The following DOCK5 variants were observed in gnomAD, a reference collection of about 807,000 sequenced individuals.
DOCK5 encodes dedicator of cytokinesis 5.
A neutral mutation model predicts 251.8 loss-of-function variants in DOCK5; 142 were observed. The ratio of observed to expected loss-of-function variants is 0.56; its 90% CI spans 0.49 to 0.65. DOCK5 has a LOEUF of 0.65. Ranked by LOEUF, DOCK5 falls within the 30% of genes least tolerant of loss-of-function variation. The pLI is 0.00. For synonymous variants in DOCK5, 842 were observed against 835.5 expected (o/e 1.01, Z -0.13); for missense variants, 2,111 against 2,312.3 (o/e 0.91, Z 1.79).
chr8:25,299,254 A>G (rs993307056), intron 8 of DOCK5, 153 bp downstream of exon 8: 11 of 857,294 alleles, frequency 1.3e-5, no homozygotes, highest in South Asian at 1.9e-5. Flanking sequence ...CATATGGTCT[A>G]TGAAGCCTTC....
intron 26 of DOCK5, among the ~76,000 whole-genome samples, chr8:25,349,326 C>T (rs1379877388): frequency 6.6e-6 from 1 of 152,074 alleles, no homozygotes; most frequent in African/African-American, 2.4e-5. Flanking sequence ...CTATGAAAAA[C>T]AGGGAATGCA....
rs554309120 is a variant in DOCK5, at chr8:25,351,789, G to A, written c.2813G>A (p.Arg938Gln). ...IMERLLRRINRTVIGMNRQSP... is the reference protein window; with the variant it reads ...IMERLLRRINQTVIGMNRQSP... ...GAACGGCTGCTGAGAAGGATCAACC[G>A]GACAGTGATTGGGATGAACCGGCAG... The change falls in exon 27 of 52, where the codon CGG (arginine) becomes CAG (glutamine). Residue 938 changes from arginine to glutamine, a missense_variant. By Grantham distance (43) the Arg-to-Gln change is conservative. Around this residue, in one of 3 missense-constraint regions of DOCK5, gnomAD observed 1,717 missense variants for 1,892.4 expected, o/e 0.91. Coordinates refer to ENST00000276440, the MANE Select transcript of DOCK5 (RefSeq NM_024940.8). 1.1e-5 allele frequency: 17 copies of A among 1,613,846 alleles called. No homozygotes were observed. Among genetic ancestry groups the A allele is most frequent in the African/African-American group, 8.0e-5 (6 of 75,026 alleles).
intron 1 of DOCK5, among the ~76,000 whole-genome samples, chr8:25,235,231 TTTTG>T (rs962733201): frequency 1.2e-4 from 18 of 152,204 alleles, no homozygotes; most frequent in Middle Eastern, 3.4e-3. Context: ...GTAATTTTGT[TTTTG>T]TTTGTTTGTT....
chr8:25,375,637 C>T, intron 37 of DOCK5: 1 of 963,888 alleles, frequency 1.0e-6, no homozygotes, highest in East Asian at 1.2e-4. Flanking sequence ...GTGTCTCTGC[C>T]TCCAGTTTTG....
intron 3 of DOCK5, among the ~76,000 whole-genome samples, chr8:25,271,660 C>T (rs544298293): frequency 5.9e-5 from 9 of 152,236 alleles, no homozygotes; most frequent in South Asian, 2.1e-4. Flanking sequence ...AGCGCTTTTC[C>T]GAAACTGATT....
intron 39 of DOCK5, among the ~76,000 whole-genome samples, chr8:25,382,040 G>T (rs1801076677): frequency 6.6e-6 from 1 of 152,068 alleles, no homozygotes; most frequent in African/African-American, 2.4e-5. Context: ...TCAAAACAGG[G>T]TCTCACTCTG....
At chr8:25,297,896 T>C (rs189704929) in intron 7 of DOCK5, among the ~76,000 whole-genome samples, 1 of 151,782 alleles carries the variant, frequency 6.6e-6, no homozygotes, top group African/African-American at 2.4e-5. Context: ...CTACAAAAAA[T>C]TTTTTAAAAA....
In DOCK5 at chr8:25,407,477, G is replaced by A. The variant is rs939035439; in HGVS notation, c.5094-506G>A. ...TACTCCCTAATATTTTCGTCCAGTC[G>A]TCTGATGGTCTTGTTTCTGTACATT... On this transcript the variant is annotated intron_variant, in intron 48 of 51. Transcript: ENST00000276440. 2.6e-5 allele frequency among the ~76,000 whole-genome samples: 4 copies of A among 152,082 alleles called. No individual in the cohort carries two copies. In the East Asian group the frequency reaches 5.8e-4, roughly 22 times the overall value.
chr8:25,240,419 A>G (rs902929523), intron 1 of DOCK5, among the ~76,000 whole-genome samples: 2 of 152,138 alleles, frequency 1.3e-5, no homozygotes, highest in Non-Finnish European at 2.9e-5. Flanking sequence ...GGATGTTTTC[A>G]TCTCCCCAAG....
intron 26 of DOCK5, among the ~76,000 whole-genome samples, chr8:25,348,878 C>G (rs900835238): frequency 6.6e-6 from 1 of 152,006 alleles, no homozygotes; most frequent in Non-Finnish European, 1.5e-5. Flanking sequence ...CACCCGCACC[C>G]CCACAATAGA....
rs201077230 is a variant in DOCK5 at position 25,372,683 on chromosome 8, A to G, written c.3649A>G (p.Lys1217Glu). 1.2e-6 allele frequency: 2 copies of G among 1,611,790 alleles called. No individual in the cohort carries two copies. The highest frequency in any genetic ancestry group is 1.7e-6 in the Non-Finnish European group (2 of 1,179,006). ...AACCATCATCATGCAAGATGAGAGC[A>G]AGGAGAACCGTATGAGCTGCACTGT... ...YRTIIMQDES[K>E]ENRMSCTVNV... The change falls in exon 35 of 52, where the codon AAG becomes GAG. Residue 1217 changes from lysine to glutamate, a missense_variant. Physicochemically the swap from Lys to Glu is moderately conservative, Grantham distance 56. Transcript: ENST00000276440.
At chr8:25,355,538 C>T (rs1330269705) in intron 27 of DOCK5, among the ~76,000 whole-genome samples, 3 of 152,176 alleles carry the variant, frequency 2.0e-5, no homozygotes, top group African/African-American at 7.2e-5. Context: ...CGACCTCCAC[C>T]TCCCAGGTTC....
intron 42 of DOCK5, among the ~76,000 whole-genome samples, chr8:25,390,944 G>T (rs749234081): frequency 1.3e-5 from 2 of 151,970 alleles, no homozygotes; most frequent in Non-Finnish European, 2.9e-5. Flanking sequence ...AAGTAGCTGG[G>T]ATTACAGGTA....
At chr8:25,384,954 G>A (rs1423769658) in intron 40 of DOCK5, among the ~76,000 whole-genome samples, 1 of 152,090 alleles carries the variant, frequency 6.6e-6, no homozygotes, top group Non-Finnish European at 1.5e-5. Flanking sequence ...AAAAAAATCA[G>A]GAAAGACTTT....
chr8:25,376,045 G>T, intron 37 of DOCK5: 2 of 953,812 alleles, frequency 2.1e-6, no homozygotes, highest in Non-Finnish European at 2.5e-6. Context: ...TTTGCAGTAT[G>T]CTGAGATGGT....
intron 47 of DOCK5, among the ~76,000 whole-genome samples, chr8:25,401,992 A>G (rs542034474): frequency 1.3e-5 from 2 of 152,334 alleles, no homozygotes; most frequent in South Asian, 2.1e-4. Context: ...CCTCCTGAGC[A>G]GTTCAGTGGA....
intron 1 of DOCK5, among the ~76,000 whole-genome samples, chr8:25,185,605 G>T (rs772558641): frequency 6.6e-6 from 1 of 152,170 alleles, no homozygotes; most frequent in East Asian, 1.9e-4. Flanking sequence ...CCCTAACGGA[G>T]CCTGTCTGGA....
chr8:25,354,045 A>C lies in DOCK5; in HGVS notation c.2850+2219A>C, dbSNP rs1173812344. 3.2e-3 allele frequency among the ~76,000 whole-genome samples: 114 copies of C among 35,508 alleles called. 1 individual carries two copies. The highest frequency in any genetic ancestry group is 8.7e-3 in the African/African-American group (109 of 12,554). 23.3% of individuals were successfully genotyped at this position (35,508 alleles called of 152,430 possible). On this transcript the variant is annotated intron_variant, in intron 27 of 51. Transcript: ENST00000276440. ...TTTGTCTTAAAAAAAAAAAAAAAAAAAAACAAACAAAAAAAAAAACGTAGG... is the reference window on the plus strand; with the variant it reads ...TTTGTCTTAAAAAAAAAAAAAAAAACAAACAAACAAAAAAAAAAACGTAGG...
At chr8:25,343,645 G>A (rs895257309) in intron 25 of DOCK5, among the ~76,000 whole-genome samples, 2 of 152,108 alleles carry the variant, frequency 1.3e-5, no homozygotes, top group African/African-American at 4.8e-5. Context: ...TAAAAACCAG[G>A]GGACAGGGAA....
Sources: allele counts gnomAD v4.1 joint callset (sites outside exome capture counted in the v4.1 genomes callset), GRCh38; gene constraint gnomAD v4.1.1; regional missense constraint gnomAD v4.1.1; transcripts MANE v1.5; gene names NCBI Gene and HGNC (gene_info 2026-07-23, HGNC 2026-07-21).